AKAP9: variants seen among roughly 807,000 people sequenced by gnomAD.
AKAP9 encodes A-kinase anchor protein 9.
A neutral mutation model predicts 488.5 loss-of-function variants in AKAP9; 311 were observed. The ratio of observed to expected loss-of-function variants is 0.64; its 90% CI spans 0.58 to 0.70. The LOEUF (loss-of-function observed/expected upper bound fraction) is 0.70, where lower values mean the gene tolerates loss of function less well. AKAP9 is among the 30% of genes least tolerant of loss of function. AKAP9 has a pLI of 0.00. For synonymous variants in AKAP9, 1,462 were observed against 1,483.5 expected, an observed-to-expected ratio of 0.99 and a Z score of 0.33; for missense variants, 4,215 against 4,374.5, an observed-to-expected ratio of 0.96 and a Z score of 1.03.
At chr7:92,063,254 G>A (rs1810198834) in intron 24 of AKAP9, among the ~76,000 whole-genome samples, 2 of 152,038 alleles carry the variant, frequency 1.3e-5, no homozygotes, top group Admixed American at 1.3e-4. Flanking sequence ...TTTAGTTTGG[G>A]ATTTTTAATA....
chr7:92,080,135 G>A lies in AKAP9; in HGVS notation c.8002G>A (p.Asp2668Asn), dbSNP rs758060247. 6.3e-6 allele frequency: 10 copies of A among 1,590,834 alleles called. No homozygotes were observed. The South Asian group carries it at 1.1e-4, about 18-fold the overall frequency. The part of the protein sequence containing the change: ...REKEKKRSPQ[D>N]VEVLKTTTEL... ...GAAAGAAAAGAAAAGAAGCCCTCAA[G>A]ATGTTGAAGTTCTCAAGGTTAGTTT... The change falls in exon 31 of 50, where the codon GAT (aspartate) becomes AAT (asparagine). Residue 2668 changes from aspartate to asparagine, a missense_variant. Transcript: ENST00000356239.
intron 20 of AKAP9, 114 bp from the exon 21 acceptor site, chr7:92,044,894 T>A: frequency 2.6e-6 from 2 of 780,906 alleles, no homozygotes; most frequent in South Asian, 3.1e-5. Context: ...ATAAAAAGGA[T>A]CATCTGTTAT....
rs763770694 is a variant in AKAP9, at chr7:92,016,201, A to G, written c.3685A>G (p.Asn1229Asp). ...KCEVNAEDKE[N>D]SGDYISENED... ...TGAAGTAAATGCAGAAGACAAAGAG[A>G]ATTCTGGTGATTACATTTCTGAAAA... The change falls in exon 11 of 50, where the codon AAT (asparagine) becomes GAT (aspartate). Residue 1229 changes from asparagine to aspartate, a missense_variant. Coordinates refer to ENST00000356239, the MANE Select transcript of AKAP9 (RefSeq NM_005751.5). 7 of 1,584,128 alleles carry G rather than the reference A, an allele frequency of 4.4e-6. No homozygotes were observed. Among genetic ancestry groups the G allele is most frequent in the Non-Finnish European group, 6.1e-6 (7 of 1,154,006 alleles).
chr7:91,973,333 C>A (rs1795308602), intron 1 of AKAP9, among the ~76,000 whole-genome samples: 1 of 152,098 alleles, frequency 6.6e-6, no homozygotes, highest in African/African-American at 2.4e-5. Flanking sequence ...TGTGATGGCG[C>A]TACTGCACTC....
chr7:92,099,931 C>G (rs1584558181), intron 44 of AKAP9, 62 bp downstream of exon 44: 3 of 1,534,472 alleles, frequency 2.0e-6, no homozygotes, highest in African/African-American at 1.4e-5. Context: ...TTTCTGCTGT[C>G]TAGTTCAAGT....
intron 8 of AKAP9, among the ~76,000 whole-genome samples, chr7:92,008,560 G>A (rs1469102867): frequency 1.3e-5 from 2 of 150,218 alleles, no homozygotes; most frequent in Admixed American, 6.7e-5. Context: ...GGTGGCATGC[G>A]CCTGTAATTC....
intron 5 of AKAP9, among the ~76,000 whole-genome samples, 190 bp downstream of exon 5, chr7:91,993,245 G>A (rs1194172076): frequency 6.7e-6 from 1 of 149,976 alleles, no homozygotes; most frequent in Non-Finnish European, 1.5e-5. Context: ...CTGGAGTGTA[G>A]TGGTGCAATC....
intron 15 of AKAP9, among the ~76,000 whole-genome samples, chr7:92,031,019 C>T (rs1563014530): frequency 6.6e-6 from 1 of 152,154 alleles, no homozygotes; most frequent in Non-Finnish European, 1.5e-5. Flanking sequence ...TAAAGAAATA[C>T]TTTCATACTG....
chr7:92,100,230 A>G (rs1374797213), intron 44 of AKAP9, among the ~76,000 whole-genome samples: 1 of 152,188 alleles, frequency 6.6e-6, no homozygotes, highest in Non-Finnish European at 1.5e-5. Context: ...GAGATGTTCA[A>G]ATGTGAATCC....
chr7:91,963,977 C>T (rs1341539069), intron 1 of AKAP9, among the ~76,000 whole-genome samples: 2 of 152,200 alleles, frequency 1.3e-5, no homozygotes, highest in East Asian at 3.9e-4. Flanking sequence ...TACACCTTTT[C>T]TTATTCTTTG....
At chr7:91,968,034 C>T (rs1453412120) in intron 1 of AKAP9, among the ~76,000 whole-genome samples, 4 of 152,052 alleles carry the variant, frequency 2.6e-5, no homozygotes, top group Non-Finnish European at 5.9e-5. Context: ...GCCTCCTGGG[C>T]TCAAGCCGTC....
Position 92,002,144 on chromosome 7 carries a change from C to A in AKAP9, c.2227C>A (p.Gln743Lys), listed in dbSNP as rs933536639. 6.9e-6 allele frequency: 11 copies of A among 1,591,284 alleles called. No homozygotes were observed. The African/African-American group carries it at 1.5e-4, about 22-fold the overall frequency. ...QEEKEKGTLE[Q>K]EVQELQLKTE... ...AGAAAAAGAAAAGGGTACACTTGAA[C>A]AAGAAGTTCAAGAATTACAACTTAA... Residue 743 changes from glutamine to lysine, a missense_variant, in exon 8 of 50, where the codon CAA (glutamine) becomes AAA (lysine). Coordinates refer to ENST00000356239, the MANE Select transcript of AKAP9 (RefSeq NM_005751.5).
At chr7:92,014,110 A>G in intron 9 of AKAP9, 139 bp from the exon 10 acceptor site, 2 of 683,428 alleles carry the variant, frequency 2.9e-6, no homozygotes, top group Non-Finnish European at 5.1e-6. Flanking sequence ...ATGTTGAGCA[A>G]TGGAAAATAA....
intron 15 of AKAP9, among the ~76,000 whole-genome samples, chr7:92,030,474 C>T (rs1804032141): frequency 6.6e-6 from 1 of 152,060 alleles, no homozygotes; most frequent in Non-Finnish European, 1.5e-5. Context: ...AACCCCATCT[C>T]TACTAAAAAT....
intron 2 of AKAP9, among the ~76,000 whole-genome samples, chr7:91,974,332 A>G (rs996809279): frequency 6.6e-6 from 1 of 151,744 alleles, no homozygotes; most frequent in Non-Finnish European, 1.5e-5. Flanking sequence ...GTCCAACTTC[A>G]TTTTTTTTGT....
intron 12 of AKAP9, among the ~76,000 whole-genome samples, chr7:92,017,546 A>G (rs1801691908): frequency 1.3e-5 from 2 of 152,170 alleles, no homozygotes; most frequent in African/African-American, 2.4e-5. Context: ...GATAGTATAC[A>G]TGGCACAGTG....
intron 49 of AKAP9, 43 bp from the exon 50 acceptor site, chr7:92,110,079 A>G (rs1239092712): frequency 6.2e-6 from 9 of 1,452,610 alleles, no homozygotes; most frequent in Non-Finnish European, 8.7e-6. Context: ...ACAGGTAGCA[A>G]TGTAATTTGA....
chr7:92,043,783 T>C (rs1806520124), intron 20 of AKAP9, among the ~76,000 whole-genome samples: 1 of 152,232 alleles, frequency 6.6e-6, no homozygotes, highest in African/African-American at 2.4e-5. Flanking sequence ...TATTATCTTG[T>C]CTTAAAATAG....
chr7:92,077,914 C>G (rs1446298020), intron 30 of AKAP9, 39 bp downstream of exon 30: 2 of 1,526,322 alleles, frequency 1.3e-6, no homozygotes, highest in Non-Finnish European at 1.8e-6. Context: ...TTAATATGAA[C>G]CAGAGTTTTA....
Sources: gnomAD v4.1 joint callset for allele counts (sites outside exome capture counted in the v4.1 genomes callset) on GRCh38, gnomAD v4.1.1 for gene constraint, MANE v1.5 for transcripts, NCBI Gene and HGNC (gene_info 2026-07-23, HGNC 2026-07-21) for gene names.